The following SHROOM3 variants were observed in gnomAD, a reference collection of about 807,000 sequenced individuals.
SHROOM3 encodes the protein protein Shroom3.
Under a neutral mutation model 138.6 loss-of-function variants are expected in SHROOM3, and 47 were observed. The ratio of observed to expected loss-of-function variants is 0.34; its 90% CI spans 0.27 to 0.43. The LOEUF is 0.43. Among genes scored for constraint, SHROOM3 ranks in the 20% least tolerant of loss-of-function variants. SHROOM3 has a pLI of 1.00. For missense variants in SHROOM3, 2,491 were observed against 2,596.5 expected (o/e 0.96, Z 0.88); for synonymous variants, 1,062 against 1,063.3 (o/e 1.00, Z 0.02).
intron 2 of SHROOM3, among the ~76,000 whole-genome samples, chr4:76,596,087 G>T (rs755744125): frequency 6.6e-6 from 1 of 152,012 alleles, no homozygotes; most frequent in Admixed American, 6.5e-5. Context: ...ATACTGTCAT[G>T]CACCCCATAA....
intron 2 of SHROOM3, among the ~76,000 whole-genome samples, chr4:76,625,661 A>G (rs1405872328): frequency 6.6e-6 from 1 of 152,172 alleles, no homozygotes; most frequent in African/African-American, 2.4e-5. Flanking sequence ...CCAATCGCCG[A>G]GAACCATGTC....
intron 3 of SHROOM3, among the ~76,000 whole-genome samples, chr4:76,728,194 CTGTTAT>C (rs1160384582): frequency 6.6e-6 from 1 of 151,994 alleles, no homozygotes; most frequent in East Asian, 1.9e-4. Flanking sequence ...TACATGGGAC[CTGTTAT>C]TGAAGATTAG....
intron 2 of SHROOM3, among the ~76,000 whole-genome samples, chr4:76,610,173 GA>G (rs1008217539): frequency 7.9e-5 from 12 of 152,158 alleles, no homozygotes; most frequent in African/African-American, 2.9e-4. Flanking sequence ...AACTAAAAGA[GA>G]AGATAACCAC....
chr4:76,505,418 C>G (rs895968863), intron 1 of SHROOM3, among the ~76,000 whole-genome samples: 10 of 152,102 alleles, frequency 6.6e-5, no homozygotes, highest in Non-Finnish European at 1.3e-4. Context: ...TTTGACTCAG[C>G]TCTGGGACCC....
chr4:76,680,273 T>TGGG, intron 2 of SHROOM3, among the ~76,000 whole-genome samples: 1 of 152,020 alleles, frequency 6.6e-6, no homozygotes, highest in East Asian at 1.9e-4. Flanking sequence ...ACCGAGTAGC[T>TGGG]GGGACTACAG....
chr4:76,539,404 GTTTAC>G (rs1022280820), intron 1 of SHROOM3, among the ~76,000 whole-genome samples: 1 of 152,038 alleles, frequency 6.6e-6, no homozygotes, highest in African/African-American at 2.4e-5. Flanking sequence ...CACTCTGATT[GTTTAC>G]TTTAGTGTGC....
At chr4:76,731,141 A>G (rs1382672481) in intron 4 of SHROOM3, among the ~76,000 whole-genome samples, 1 of 152,194 alleles carries the variant, frequency 6.6e-6, no homozygotes, top group Middle Eastern at 3.2e-3. Flanking sequence ...CAACTTGAAG[A>G]TCAGAATTAT....
intron 1 of SHROOM3, among the ~76,000 whole-genome samples, chr4:76,443,388 A>G (rs552219558): frequency 3.9e-5 from 6 of 152,364 alleles, no homozygotes; most frequent in African/African-American, 1.2e-4. Flanking sequence ...GTGAGCCCAC[A>G]GTGTGATTGG....
intron 1 of SHROOM3, among the ~76,000 whole-genome samples, chr4:76,439,143 C>T (rs988846066): frequency 6.6e-6 from 1 of 152,110 alleles, no homozygotes; most frequent in East Asian, 1.9e-4. Context: ...TTTTCTTGCC[C>T]TGTCTAGCTT....
chr4:76,704,786 AG>A (rs1720003176), intron 2 of SHROOM3, among the ~76,000 whole-genome samples: 1 of 152,072 alleles, frequency 6.6e-6, no homozygotes, highest in Admixed American at 6.5e-5. Context: ...ACTGGATTGG[AG>A]GGGACAGAAG....
chr4:76,689,883 C>T (rs1286975472), intron 2 of SHROOM3, among the ~76,000 whole-genome samples: 1 of 152,146 alleles, frequency 6.6e-6, no homozygotes, highest in Non-Finnish European at 1.5e-5. Flanking sequence ...CCGAGGGTCT[C>T]CTGACACTCC....
intron 1 of SHROOM3, among the ~76,000 whole-genome samples, chr4:76,506,184 T>G (rs1451447811): frequency 1.4e-5 from 2 of 144,524 alleles, no homozygotes; most frequent in African/African-American, 2.6e-5. Flanking sequence ...CGAGAACACA[T>G]GGACACGGGT....
intron 1 of SHROOM3, among the ~76,000 whole-genome samples, chr4:76,543,057 C>T (rs1235693534): frequency 2.6e-5 from 4 of 152,314 alleles, no homozygotes; most frequent in African/African-American, 7.2e-5. Flanking sequence ...CTCTTCAAAA[C>T]GCTGAATCCC....
chr4:76,554,208 A>G (rs1241135600), intron 1 of SHROOM3, among the ~76,000 whole-genome samples: 1 of 152,198 alleles, frequency 6.6e-6, no homozygotes, highest in African/African-American at 2.4e-5. Context: ...ATTGTGTGGT[A>G]TGTAGCCTTT....
At position 76,557,230 on chromosome 4, in the gene SHROOM3, C is replaced by CAG. The variant is rs1196053032; in HGVS notation, c.323+1468_323+1469insGA. On this transcript the variant is annotated intron_variant, in intron 2 of 10. Transcript: ENST00000296043. Reference sequence around the variant, plus strand: ...ATATATGTATATGTTTATGTATACACACACACACACACACACACACACACA... The same window carrying CAG: ...ATATATGTATATGTTTATGTATACACAGACACACACACACACACACACACACA... Among the ~76,000 whole-genome samples the CAG allele has an allele frequency of 5.6e-5, 8 of 142,878 alleles. No homozygotes were observed. In the East Asian group the frequency reaches 1.4e-3, roughly 25 times the overall value. 93.7% of individuals were successfully genotyped at this position (142,878 alleles called of 152,430 possible).
In SHROOM3 at chr4:76,621,519, G is replaced by A. The variant is rs185416541; in HGVS notation, c.323+65756G>A. Among the ~76,000 whole-genome samples, 14 of 152,308 alleles carry A rather than the reference G, an allele frequency of 9.2e-5. No homozygotes were observed. In the East Asian group the frequency reaches 2.5e-3, roughly 27 times the overall value. ...ATTTGTATGTGCAGGGCAGTGGTTT[G>A]GGTGAAGCTTGATTTTCTCACCATC... On this transcript the variant is annotated intron_variant, in intron 2 of 10. Transcript: ENST00000296043.
chr4:76,779,121 C>T lies in SHROOM3; in HGVS notation c.5935C>T (p.Pro1979Ser), dbSNP rs747031600. ...CCCAAACCTCACGAGTGAGCCCATT[C>T]CTGCTGGGGGCTGTACTTTCAGTGG... is the stretch of plus-strand genomic sequence containing the variant. ...LPPNLTSEPIPAGGCTFSGIF... is the reference protein window; with the variant it reads ...LPPNLTSEPISAGGCTFSGIF... Residue 1979 changes from proline to serine, a missense_variant, in exon 11 of 11, where the codon CCT becomes TCT. Physicochemically the swap from Pro to Ser is moderately conservative, Grantham distance 74. Transcript: ENST00000296043. 8 of 1,614,056 alleles carry T rather than the reference C, an allele frequency of 5.0e-6. No homozygotes were observed. The Admixed American group carries it at 1.0e-4, about 20-fold the overall frequency.
intron 6 of SHROOM3, among the ~76,000 whole-genome samples, chr4:76,752,489 GCAAAA>G (rs959754108): frequency 8.5e-4 from 127 of 149,938 alleles, no homozygotes; most frequent in African/African-American, 2.9e-3. Context: ...TTTTTTTAAA[GCAAAA>G]CAAAACAAAG....
At chr4:76,659,731 G>A (rs190608890) in intron 2 of SHROOM3, among the ~76,000 whole-genome samples, 238 of 152,204 alleles carry the variant, frequency 1.6e-3, no homozygotes, top group African/African-American at 5.4e-3. Context: ...ACAGGTGTGC[G>A]CCACCACACC....
Sources: gnomAD v4.1 joint callset for allele counts (sites outside exome capture counted in the v4.1 genomes callset) on GRCh38, gnomAD v4.1.1 for gene constraint, MANE v1.5 for transcripts, NCBI Gene and HGNC (gene_info 2026-07-23, HGNC 2026-07-21) for gene names.